The following DNAH6 variants were observed in gnomAD, a reference collection of about 807,000 sequenced individuals.
DNAH6 encodes axonemal beta dynein heavy chain 6.
DNAH6 carries 340 observed loss-of-function variants against 491.4 expected under a neutral mutation model. The observed-to-expected ratio is 0.69, with a 90% CI of 0.63 to 0.76. The LOEUF is 0.76. DNAH6 is among the 30% of genes least tolerant of loss of function. The probability of loss-of-function intolerance (pLI) is 0.00; values close to 1 mark genes in which losing one functional copy is unlikely to be tolerated. For missense variants in DNAH6, 4,443 were observed against 4,972.2 expected, an observed-to-expected ratio of 0.89 and a Z score of 3.20; for synonymous variants, 1,603 against 1,686.1, an observed-to-expected ratio of 0.95 and a Z score of 1.21.
chr2:84,569,840 G>A (rs1681595859), intron 11 of DNAH6, among the ~76,000 whole-genome samples: 4 of 152,206 alleles, frequency 2.6e-5, no homozygotes. Context: ...ATATGGAAGA[G>A]GGAAGGCTGG....
chr2:84,586,827 T>C (rs1683603029), intron 15 of DNAH6, among the ~76,000 whole-genome samples: 1 of 152,256 alleles, frequency 6.6e-6, no homozygotes, highest in Admixed American at 6.5e-5. Context: ...TTAATTGCTC[T>C]ACCATATACT....
At chr2:84,635,637 C>T (rs1688813554) in intron 30 of DNAH6, among the ~76,000 whole-genome samples, 1 of 152,114 alleles carries the variant, frequency 6.6e-6, no homozygotes, top group Admixed American at 6.6e-5. Context: ...AAGCTTTGCC[C>T]ACTGGAGAGC....
intron 4 of DNAH6, among the ~76,000 whole-genome samples, chr2:84,541,746 G>T (rs1388505896): frequency 1.3e-5 from 2 of 152,218 alleles, no homozygotes; most frequent in Non-Finnish European, 2.9e-5. Flanking sequence ...TTCAAGTGAA[G>T]ATGTGAGAGG....
chr2:84,529,220 CAT>C, intron 4 of DNAH6, 54 bp downstream of exon 4: 1 of 1,221,796 alleles, frequency 8.2e-7, no homozygotes, highest in South Asian at 1.6e-5. Flanking sequence ...TAAGATTTCA[CAT>C]ATTATTTATA....
intron 45 of DNAH6, among the ~76,000 whole-genome samples, chr2:84,693,540 G>A (rs745318626): frequency 2.6e-5 from 4 of 151,996 alleles, no homozygotes; most frequent in East Asian, 3.9e-4. Context: ...TCAGGAGATC[G>A]AGACCATCCT....
chr2:84,518,183 T>A lies in DNAH6; in HGVS notation c.225+132T>A, dbSNP rs1450482553. On this transcript the variant is annotated intron_variant, in intron 2 of 76. Transcript: ENST00000389394. ...TGAAAAGCTAAAAGATAATAACTGCTTATGTAGTTGTAAATACGGTAAATA... is the reference window on the plus strand; with the variant it reads ...TGAAAAGCTAAAAGATAATAACTGCATATGTAGTTGTAAATACGGTAAATA... 7 of 662,220 alleles carry A rather than the reference T, an allele frequency of 1.1e-5. No homozygotes were observed. The East Asian group carries it at 1.6e-4, about 16-fold the overall frequency. 41.0% of individuals were successfully genotyped at this position (662,220 alleles called of 1,614,324 possible).
intron 45 of DNAH6, among the ~76,000 whole-genome samples, chr2:84,691,534 AGAG>A (rs1157294120): frequency 9.2e-5 from 14 of 152,234 alleles, no homozygotes; most frequent in Admixed American, 9.2e-4. Context: ...TTGTTCTAGT[AGAG>A]GAGTTGGCCA....
chr2:84,700,317 T>C (rs1232847476), intron 48 of DNAH6, among the ~76,000 whole-genome samples: 1 of 151,996 alleles, frequency 6.6e-6, no homozygotes, highest in Non-Finnish European at 1.5e-5. Context: ...TACCCCTGAG[T>C]AACAGGTAGG....
intron 21 of DNAH6, among the ~76,000 whole-genome samples, chr2:84,611,230 T>A (rs998426437): frequency 5.3e-5 from 8 of 152,170 alleles, no homozygotes; most frequent in South Asian, 2.1e-4. Flanking sequence ...CAGGGTTTTT[T>A]AAAAAAATTT....
At chr2:84,786,803 C>A in intron 67 of DNAH6, among the ~76,000 whole-genome samples, 1 of 152,106 alleles carries the variant, frequency 6.6e-6, no homozygotes, top group East Asian at 1.9e-4. Context: ...CTCTCTCCAC[C>A]AGATGGATGA....
chr2:84,705,814 C>T, intron 52 of DNAH6, 67 bp downstream of exon 52: 2 of 1,474,104 alleles, frequency 1.4e-6, no homozygotes, highest in Admixed American at 2.5e-5. Flanking sequence ...TTCAAGTTCT[C>T]TGTATAATGT....
the DNAH6 span, among the ~76,000 whole-genome samples, chr2:84,485,681 T>C: frequency 1.3e-5 from 2 of 152,032 alleles, no homozygotes; most frequent in Non-Finnish European, 2.9e-5. Context: ...CCTCCCAAAC[T>C]CTTCCTAAAG....
chr2:84,653,562 A>G lies in DNAH6; in HGVS notation c.5322A>G (p.Gln1774=). Residue 1774 remains glutamine, a synonymous_variant, in exon 34 of 77, where the codon CAA becomes CAG. Coordinates refer to ENST00000389394, the MANE Select transcript of DNAH6 (RefSeq NM_001370.2). ...TAGCAGAAACTTTAGGGAATTTACAAAAACTTGGGATAGAAAATTCCTTTT... is the reference window on the plus strand; with the variant it reads ...TAGCAGAAACTTTAGGGAATTTACAGAAACTTGGGATAGAAAATTCCTTTT... The part of the protein sequence containing the change: ...RILAETLGNL[Q]KLGIENSFYQ... 2 of 1,551,368 alleles carry G rather than the reference A, an allele frequency of 1.3e-6. No individual in the cohort carries two copies. Among genetic ancestry groups the G allele is most frequent in the East Asian group, 2.4e-5 (1 of 40,922 alleles).
chr2:84,662,786 A>C (rs1448767047), intron 37 of DNAH6, among the ~76,000 whole-genome samples: 1 of 152,224 alleles, frequency 6.6e-6, no homozygotes, highest in African/African-American at 2.4e-5. Context: ...TTGAGATCTG[A>C]CAGCAGACAG....
At chr2:84,524,005 A>T (rs1676375258) in intron 2 of DNAH6, among the ~76,000 whole-genome samples, 1 of 151,848 alleles carries the variant, frequency 6.6e-6, no homozygotes, top group African/African-American at 2.4e-5. Context: ...TATCTGTGTT[A>T]ATTTTCTGAC....
At chr2:84,729,340 G>A (rs1698936941) in intron 61 of DNAH6, among the ~76,000 whole-genome samples, 1 of 152,174 alleles carries the variant, frequency 6.6e-6, no homozygotes, top group South Asian at 2.1e-4. Context: ...CTGGAACCGG[G>A]ATTTGAACAC....
At position 84,685,369 on chromosome 2, in the gene DNAH6, G is replaced by C; in HGVS notation, c.6960G>C (p.Gln2320His). Residue 2320 changes from glutamine to histidine, a missense_variant, in exon 43 of 77, where the codon CAG becomes CAC. Physicochemically the swap from Gln to His is conservative, Grantham distance 24. Around this residue, in one of 3 missense-constraint regions of DNAH6, gnomAD observed 2,977 missense variants for 3,296.6 expected, o/e 0.90. Coordinates refer to ENST00000389394, the MANE Select transcript of DNAH6 (RefSeq NM_001370.2). ...CAGGAACAATAAGAGAAGAAATTCAGATATTTAGACTCTTTTGCCATGAGT... is the reference window on the plus strand; with the variant it reads ...CAGGAACAATAAGAGAAGAAATTCACATATTTAGACTCTTTTGCCATGAGT... ...CDPGTIREEI[Q>H]IFRLFCHECQ... 7.2e-6 allele frequency: 11 copies of C among 1,522,494 alleles called. No homozygotes were observed. Among genetic ancestry groups the C allele is most frequent in the Non-Finnish European group, 9.7e-6 (11 of 1,129,400 alleles). The allele number at this position is 1,522,494 out of a possible 1,614,324, so 94.3% of individuals were successfully genotyped here.
At chr2:84,790,259 C>A (rs1292264872) in intron 68 of DNAH6, among the ~76,000 whole-genome samples, 1 of 152,094 alleles carries the variant, frequency 6.6e-6, no homozygotes, top group Non-Finnish European at 1.5e-5. Flanking sequence ...AAAATTAATT[C>A]AAAATGGGTG....
chr2:84,654,806 A>G lies in DNAH6; in HGVS notation c.5757+24A>G, dbSNP rs1349610633. On this transcript the variant is annotated intron_variant, in intron 35 of 76. Transcript: ENST00000389394. ...AAGTAAGTGCCATCAGATATTCCCC[A>G]ATATCTCCATCTGTCAGGACTCATG... The G allele has an allele frequency of 2.6e-6, 4 of 1,549,276 alleles. No individual in the cohort carries two copies. In the South Asian group the frequency reaches 3.6e-5, roughly 14 times the overall value.
Sources: gnomAD v4.1 joint callset for allele counts (sites outside exome capture counted in the v4.1 genomes callset) on GRCh38, gnomAD v4.1.1 for gene constraint, gnomAD v4.1.1 regional missense constraint, MANE v1.5 for transcripts, NCBI Gene and HGNC (gene_info 2026-07-23, HGNC 2026-07-21) for gene names.